Variants in FIGN observed in about 807,000 individuals in gnomAD.
FIGN encodes the protein fidgetin, microtubule severing factor, also known as fidgetin.
FIGN carries 11 observed loss-of-function variants against 51.3 expected under a neutral mutation model. The ratio of observed to expected loss-of-function variants is 0.21; its 90% confidence interval spans 0.13 to 0.35. The LOEUF (loss-of-function observed/expected upper bound fraction) is 0.35, where lower values mean the gene tolerates loss of function less well. Among genes scored for constraint, FIGN ranks in the 10% least tolerant of loss-of-function variants. The pLI, the probability that FIGN is intolerant of heterozygous loss-of-function variation, is 1.00. For missense variants in FIGN, 857 were observed against 943.6 expected (o/e 0.91, Z 1.20); for synonymous variants, 407 against 363.2 (o/e 1.12, Z -1.37).
chr2:163,629,820 TAAA>T (rs1683116645), intron 2 of FIGN, among the ~76,000 whole-genome samples: 1 of 151,762 alleles, frequency 6.6e-6, no homozygotes, highest in South Asian at 2.1e-4. Context: ...TGGAAAGGGA[TAAA>T]TAAAAGACAC....
intron 2 of FIGN, among the ~76,000 whole-genome samples, chr2:163,708,375 G>C (rs1447543989): frequency 1.3e-5 from 2 of 152,070 alleles, no homozygotes; most frequent in African/African-American, 4.8e-5. Flanking sequence ...GTAGTCCTTT[G>C]GTGTGTTTCT....
intron 2 of FIGN, among the ~76,000 whole-genome samples, chr2:163,634,487 T>A (rs1244625451): frequency 6.6e-6 from 1 of 152,210 alleles, no homozygotes; most frequent in Non-Finnish European, 1.5e-5. Context: ...CTGGGCCATC[T>A]ACACCACAGC....
intron 2 of FIGN, among the ~76,000 whole-genome samples, chr2:163,625,316 A>G (rs1357463533): frequency 6.6e-6 from 1 of 152,078 alleles, no homozygotes; most frequent in Admixed American, 6.6e-5. Context: ...AAAAAAATGG[A>G]CATTCTGAAA....
intron 2 of FIGN, among the ~76,000 whole-genome samples, chr2:163,680,034 C>T (rs1234890039): frequency 6.6e-6 from 1 of 152,118 alleles, no homozygotes; most frequent in South Asian, 2.1e-4. Context: ...GGACATAAAG[C>T]GTGGAATGAT....
At chr2:163,693,554 T>A (rs1048615156) in intron 2 of FIGN, among the ~76,000 whole-genome samples, 2 of 152,138 alleles carry the variant, frequency 1.3e-5, no homozygotes, top group African/African-American at 4.8e-5. Flanking sequence ...TCCCTCATGA[T>A]GATCACAATT....
chr2:163,695,272 TTCC>T, intron 2 of FIGN, among the ~76,000 whole-genome samples: 2 of 152,142 alleles, frequency 1.3e-5, no homozygotes, highest in African/African-American at 4.8e-5. Context: ...CTACAAAATT[TTCC>T]CACTACTTAA....
chr2:163,663,236 G>T (rs1016378010), intron 2 of FIGN, among the ~76,000 whole-genome samples: 8 of 145,042 alleles, frequency 5.5e-5, no homozygotes, highest in African/African-American at 7.5e-5. Context: ...AATAATGTTG[G>T]TTTTTTTTTT....
intron 2 of FIGN, among the ~76,000 whole-genome samples, chr2:163,622,046 A>G (rs1015081718): frequency 6.6e-6 from 1 of 152,198 alleles, no homozygotes; most frequent in Non-Finnish European, 1.5e-5. Context: ...TGTGTGTATT[A>G]ATCACATGAA....
chr2:163,660,879 A>ATTTTT (rs71015599), intron 2 of FIGN, among the ~76,000 whole-genome samples: 5 of 6,670 alleles, frequency 7.5e-4, no homozygotes, highest in African/African-American at 2.5e-3. Context: ...ATATATATAT[A>ATTTTT]TTTTTTTTTT....
rs140769492 is a variant in FIGN at position 163,674,197 on chromosome 2, A to G, written c.25+60706T>C. 4.6e-3 allele frequency among the ~76,000 whole-genome samples: 699 copies of G among 152,288 alleles called. 3 individuals are homozygous for G. The highest frequency in any genetic ancestry group is 7.8e-3 in the Non-Finnish European group (533 of 68,022). On this transcript the variant is annotated intron_variant, in intron 2 of 2. Coordinates refer to ENST00000333129, the MANE Select transcript of FIGN (RefSeq NM_018086.4). ...TTAGTTTTACTAACTCCAATTTAGT[A>G]TCTCTTGCAGGCAGGTGGGAGGGAG...
chr2:163,612,534 G>T, intron 2 of FIGN: 1 of 984,930 alleles, frequency 1.0e-6, no homozygotes, highest in Non-Finnish European at 1.2e-6. Context: ...CTACAACTCG[G>T]TATGAATTAC....
intron 2 of FIGN, among the ~76,000 whole-genome samples, chr2:163,700,131 A>T (rs949772140): frequency 1.3e-5 from 2 of 152,154 alleles, no homozygotes; most frequent in African/African-American, 4.8e-5. Flanking sequence ...TTGTGTTCGC[A>T]TTTTGCACCA....
intron 2 of FIGN, chr2:163,612,593 A>T: frequency 1.0e-6 from 1 of 984,920 alleles, no homozygotes; most frequent in Non-Finnish European, 1.2e-6. Context: ...CTCTGAAAAA[A>T]AAAACAAGCA....
intron 2 of FIGN, among the ~76,000 whole-genome samples, chr2:163,717,344 A>G (rs939318519): frequency 6.6e-6 from 1 of 152,182 alleles, no homozygotes; most frequent in Non-Finnish European, 1.5e-5. Context: ...TTACCAAAGT[A>G]ATGCAAACAA....
At chr2:163,714,855 A>G (rs1241502064) in intron 2 of FIGN, among the ~76,000 whole-genome samples, 1 of 152,162 alleles carries the variant, frequency 6.6e-6, no homozygotes, top group Admixed American at 6.5e-5. Context: ...AAAAGTTTAA[A>G]ACAATGACCA....
Position 163,605,466 on chromosome 2 carries a change from T to C in FIGN, c.*4086A>G, listed in dbSNP as rs543375194. ...ACGTTTCAAAAGAAAAAAAAACACA[T>C]TAAAACACTTCAAATTGTAACATGA... On this transcript the variant is annotated 3_prime_UTR_variant, in exon 3 of 3. Coordinates refer to ENST00000333129, the MANE Select transcript of FIGN (RefSeq NM_018086.4). 70 of 152,002 alleles carry C rather than the reference T, an allele frequency of 4.6e-4. No homozygotes were observed. Among genetic ancestry groups the C allele is most frequent in the African/African-American group, 1.7e-3 (69 of 41,480 alleles). 9.4% of individuals were successfully genotyped at this position (152,002 alleles called of 1,614,324 possible). A position where few individuals can be genotyped will look rare whatever the true frequency, so the allele number is the denominator to read the frequency against.
Position 163,609,470 on chromosome 2 carries a change from G to A in FIGN, c.*82C>T. 1.6e-6 allele frequency: 2 copies of A among 1,225,658 alleles called. No homozygotes were observed. Among genetic ancestry groups the A allele is most frequent in the Non-Finnish European group, 2.3e-6 (2 of 879,352 alleles). The allele number at this position is 1,225,658 out of a possible 1,614,324, so 75.9% of individuals were successfully genotyped here. ...TACCCTTTGCAATTTAAACTCTACT[G>A]GAAAGGGGCTCTATTCCCTATGTAG... On this transcript the variant is annotated 3_prime_UTR_variant, in exon 3 of 3. Transcript: ENST00000333129.
intron 2 of FIGN, among the ~76,000 whole-genome samples, chr2:163,638,908 C>A (rs1457872026): frequency 1.3e-5 from 2 of 149,100 alleles, no homozygotes; most frequent in African/African-American, 4.8e-5. Context: ...TTTTTCTCCT[C>A]TAAAAAAAAC....
At position 163,604,936 on chromosome 2, in the gene FIGN, C is replaced by CTTTTTTGTTTTTTTT. The variant is rs1691055936; in HGVS notation, c.*4615_*4616insAAAAAAAACAAAAAA. 1.1e-5 allele frequency: 1 copy of CTTTTTTGTTTTTTTT among 94,254 alleles called. No homozygotes were observed. Among genetic ancestry groups the CTTTTTTGTTTTTTTT allele is most frequent in the Non-Finnish European group, 1.9e-5 (1 of 53,124 alleles). 5.8% of individuals were successfully genotyped at this position (94,254 alleles called of 1,614,324 possible). ...TTTTAAGCCCAGAAATAAACTTTTGCTTTTTTTTTTTTTTTTTTTGTATCA... is the reference window on the plus strand; with the variant it reads ...TTTTAAGCCCAGAAATAAACTTTTGCTTTTTTGTTTTTTTTTTTTTTTTTTTTTTTTTTTGTATCA... On this transcript the variant is annotated 3_prime_UTR_variant, in exon 3 of 3. Transcript: ENST00000333129.
Sources: allele counts gnomAD v4.1 joint callset (sites outside exome capture counted in the v4.1 genomes callset), GRCh38; gene constraint gnomAD v4.1.1; transcripts MANE v1.5; gene names NCBI Gene and HGNC (gene_info 2026-07-23, HGNC 2026-07-21).